The following PLAC1 variants were observed in gnomAD, a reference collection of about 807,000 sequenced individuals.
PLAC1 encodes placenta associated 1, also known as placenta-specific protein 1.
For missense variants in PLAC1, 136 were observed against 163.2 expected (o/e 0.83, Z 0.91); for synonymous variants, 68 against 62.1 (o/e 1.09, Z -0.44).
intron 2 of PLAC1, among the ~76,000 whole-genome samples, chrX:134,690,413 C>T (rs900130623): frequency 4.5e-5 from 5 of 111,495 alleles, no homozygotes; most frequent in Non-Finnish European, 9.4e-5. Context: ...TCAAACATGG[C>T]TGATTATTAG....
chrX:134,731,622 G>A (rs889641605), intron 2 of PLAC1, among the ~76,000 whole-genome samples: 2 of 111,709 alleles, frequency 1.8e-5, no homozygotes, highest in Admixed American at 1.9e-4. Context: ...TGCCGGGGTA[G>A]AGCAGAGAGA....
In PLAC1 at chrX:134,683,995, G is replaced by T. The variant is rs184766267; in HGVS notation, n.174+49440C>A. Among the ~76,000 whole-genome samples, 8 of 112,013 alleles carry T rather than the reference G, an allele frequency of 7.1e-5. No individual in the cohort carries two copies. The South Asian group carries it at 1.9e-3, about 26-fold the overall frequency. The stretch of plus-strand genomic sequence containing the variant: ...TAGCTAGACTGGTCTGGCTTGGAAC[G>T]CCCAGTCAGAAAGAGAGGGGGTGAT... On this transcript the variant is annotated intron_variant and non_coding_transcript_variant, in intron 2 of 2. Coordinates refer to the PLAC1 transcript ENST00000466797.
At chrX:134,666,093 G>A (rs1260753694) in intron 2 of PLAC1, among the ~76,000 whole-genome samples, 10 of 111,398 alleles carry the variant, frequency 9.0e-5, no homozygotes, top group Non-Finnish European at 1.7e-4. Context: ...ACGCAGAATC[G>A]GGGACTCAAA....
At chrX:134,750,419 AG>A (rs2078738181) in intron 1 of PLAC1, among the ~76,000 whole-genome samples, 1 of 110,152 alleles carries the variant, frequency 9.1e-6, no homozygotes, top group African/African-American at 3.3e-5. Flanking sequence ...TCCCATTTTT[AG>A]TAGATGAGCT....
upstream of PLAC1, among the ~76,000 whole-genome samples, chrX:134,660,386 G>A (rs1368999240): frequency 8.9e-6 from 1 of 112,198 alleles, no homozygotes. Flanking sequence ...GATTACAGGC[G>A]TGAGCCACCA....
At chrX:134,577,850 C>G (rs959482654) in intron 2 of PLAC1, among the ~76,000 whole-genome samples, 1 of 109,510 alleles carries the variant, frequency 9.1e-6, no homozygotes, top group African/African-American at 3.3e-5. Flanking sequence ...CACACACATA[C>G]ATACATCATG....
chrX:134,743,735 G>A (rs942470378), intron 1 of PLAC1, among the ~76,000 whole-genome samples: 4 of 111,475 alleles, frequency 3.6e-5, no homozygotes, highest in Admixed American at 1.9e-4. Context: ...AAAAACTCTA[G>A]CCATCGATGC....
At chrX:134,602,790 T>C (rs752278547) in intron 1 of PLAC1, among the ~76,000 whole-genome samples, 5 of 109,247 alleles carry the variant, frequency 4.6e-5, no homozygotes, top group African/African-American at 1.7e-4. Context: ...AACAGATCAG[T>C]GTAGGGGGTA....
At chrX:134,690,491 G>A (rs2078532192) in intron 2 of PLAC1, among the ~76,000 whole-genome samples, 1 of 111,288 alleles carries the variant, frequency 9.0e-6, no homozygotes, top group African/African-American at 3.3e-5. Flanking sequence ...GAATCTCTGG[G>A]GATGACCTGG....
Position 134,700,013 on chromosome X carries a change from T to A in PLAC1, n.174+33422A>T, listed in dbSNP as rs141458434. Among the ~76,000 whole-genome samples the A allele has an allele frequency of 2.0e-3, 220 of 111,239 alleles. 2 individuals carry two copies. Among genetic ancestry groups the A allele is most frequent in the African/African-American group, 6.7e-3 (206 of 30,620 alleles). ...GAAATGTTTCCTCTGCCCAGAACACTCTCCTTCTGAATTTCCAGGTTCCTG... is the reference window on the plus strand; with the variant it reads ...GAAATGTTTCCTCTGCCCAGAACACACTCCTTCTGAATTTCCAGGTTCCTG... On this transcript the variant is annotated intron_variant and non_coding_transcript_variant, in intron 2 of 2. Transcript: ENST00000466797.
At chrX:134,663,838 T>A (rs1298616602) in intron 2 of PLAC1, among the ~76,000 whole-genome samples, 2 of 112,387 alleles carry the variant, frequency 1.8e-5, no homozygotes, top group Admixed American at 1.9e-4. Flanking sequence ...TTGGTTTTTA[T>A]GTTTTTCTCT....
intron 1 of PLAC1, among the ~76,000 whole-genome samples, chrX:134,748,432 G>C (rs1240478742): frequency 9.0e-6 from 1 of 110,626 alleles, no homozygotes; most frequent in Non-Finnish European, 1.9e-5. Flanking sequence ...CTTCAGATCT[G>C]TAAACCCAAC....
intron 1 of PLAC1, chrX:134,651,408 G>C (rs1030045846): frequency 7.0e-6 from 1 of 142,853 alleles, no homozygotes; most frequent in Non-Finnish European, 1.4e-5. Flanking sequence ...AGTTTCACTT[G>C]TAAACAAAAA....
At chrX:134,575,242 T>C (rs1321998555) in intron 2 of PLAC1, among the ~76,000 whole-genome samples, 1 of 111,643 alleles carries the variant, frequency 9.0e-6, no homozygotes, top group East Asian at 2.8e-4. Context: ...TAGAGTATTG[T>C]ACTGGTAAAT....
chrX:134,653,530 T>C (rs1444421844), intron 1 of PLAC1, among the ~76,000 whole-genome samples: 12 of 111,342 alleles, frequency 1.1e-4, no homozygotes, highest in African/African-American at 2.9e-4. Context: ...TAAAATGACA[T>C]TGGGCCTTGC....
intron 1 of PLAC1, among the ~76,000 whole-genome samples, chrX:134,735,954 C>T (rs1261249710): frequency 1.1e-5 from 1 of 90,246 alleles, no homozygotes; most frequent in African/African-American, 5.5e-5. Flanking sequence ...AATCTGTCTA[C>T]CTTAAAAAAA....
At chrX:134,605,735 G>A in intron 1 of PLAC1, 1 of 112,008 alleles carries the variant, frequency 8.9e-6, no homozygotes, top group Non-Finnish European at 1.9e-5. Flanking sequence ...GGGGGGGATG[G>A]GTGGCATTCC....
At chrX:134,760,998 C>A (rs894765369) in intron 1 of PLAC1, among the ~76,000 whole-genome samples, 3 of 111,051 alleles carry the variant, frequency 2.7e-5, no homozygotes, top group Non-Finnish European at 3.8e-5. Context: ...CCCAACTGAC[C>A]CATCAACTGA....
chrX:134,680,283 T>C (rs749026667), intron 2 of PLAC1, among the ~76,000 whole-genome samples: 2 of 111,241 alleles, frequency 1.8e-5, no homozygotes, highest in Non-Finnish European at 3.8e-5. Flanking sequence ...GGATCAGAGG[T>C]TAAGTGACCT....
Sources: gnomAD v4.1 joint callset for allele counts (sites outside exome capture counted in the v4.1 genomes callset) on GRCh38, gnomAD v4.1.1 for gene constraint, MANE v1.5 for transcripts, NCBI Gene and HGNC (gene_info 2026-07-23, HGNC 2026-07-21) for gene names.